ASTN1: variants seen among roughly 807,000 people sequenced by gnomAD.
ASTN1 encodes the protein astrotactin-1.
In ASTN1, 41 loss-of-function variants were observed where a neutral mutation model predicts 140.7. That is an observed-to-expected ratio of 0.29 (90% CI 0.23 to 0.38). The LOEUF is 0.38. Ranked by LOEUF, ASTN1 falls within the 10% of genes least tolerant of loss-of-function variation. The pLI is 1.00. For missense variants in ASTN1, 1,479 were observed against 1,678.8 expected (o/e 0.88, Z 2.08); for synonymous variants, 640 against 652.2 (o/e 0.98, Z 0.29).
In ASTN1 at chr1:176,894,449, C is replaced by T. The variant is rs1571469959; in HGVS notation, c.2940+113G>A. 9 of 1,370,816 alleles carry T rather than the reference C, an allele frequency of 6.6e-6. No homozygotes were observed. The East Asian group carries it at 1.7e-4, about 26-fold the overall frequency. 84.9% of individuals were successfully genotyped at this position (1,370,816 alleles called of 1,614,324 possible). A position where few individuals can be genotyped will look rare whatever the true frequency, so the allele number is the denominator to read the frequency against. Reference sequence around the variant, plus strand: ...CAGATTAGCTAAACAAAAAGCCTCACTATCCATATTCTAGCATGGCCCTCA... The same window carrying T: ...CAGATTAGCTAAACAAAAAGCCTCATTATCCATATTCTAGCATGGCCCTCA... On this transcript the variant is annotated intron_variant, in intron 17 of 22. Coordinates refer to ENST00000361833, the MANE Select transcript of ASTN1 (RefSeq NM_004319.3).
At chr1:177,121,108 T>C (rs979557568) in intron 1 of ASTN1, among the ~76,000 whole-genome samples, 8 of 150,480 alleles carry the variant, frequency 5.3e-5, no homozygotes, top group Non-Finnish European at 1.2e-4. Context: ...ACATGCACTA[T>C]GTAAAGTCCA....
At chr1:177,131,165 T>C (rs934868220) in intron 1 of ASTN1, among the ~76,000 whole-genome samples, 1 of 152,152 alleles carries the variant, frequency 6.6e-6, no homozygotes, top group Non-Finnish European at 1.5e-5. Context: ...CTGGTGGAAA[T>C]ATAAATTAAT....
At chr1:177,086,467 T>C (rs926986158) in intron 1 of ASTN1, among the ~76,000 whole-genome samples, 2 of 152,176 alleles carry the variant, frequency 1.3e-5, no homozygotes, top group Non-Finnish European at 2.9e-5. Flanking sequence ...CCTAAAAATG[T>C]TCCTCTTTGG....
intron 1 of ASTN1, among the ~76,000 whole-genome samples, chr1:177,121,835 G>T (rs1027301685): frequency 6.6e-6 from 1 of 152,104 alleles, no homozygotes; most frequent in Non-Finnish European, 1.5e-5. Context: ...AGGGAGGTGG[G>T]TAACATGTGT....
chr1:176,988,902 C>G (rs1012569690), intron 8 of ASTN1, among the ~76,000 whole-genome samples: 2 of 152,118 alleles, frequency 1.3e-5, no homozygotes, highest in Non-Finnish European at 2.9e-5. Context: ...TCAGATGAGG[C>G]TAAAATGATT....
At position 176,864,301 on chromosome 1, in the gene ASTN1, C is replaced by T. The variant is rs1364792718; in HGVS notation, c.3868G>A (p.Asp1290Asn). 1.2e-6 allele frequency: 2 copies of T among 1,614,028 alleles called. No individual in the cohort carries two copies. Among genetic ancestry groups the T allele is most frequent in the Admixed American group, 3.3e-5 (2 of 60,018 alleles). Residue 1290 changes from aspartate (D) to asparagine (N), a missense_variant, in exon 23 of 23, where the codon GAC (aspartate) becomes AAC (asparagine). Physicochemically the swap from Asp to Asn is conservative, Grantham distance 23. Coordinates refer to ENST00000361833, the MANE Select transcript of ASTN1 (RefSeq NM_004319.3). The stretch of plus-strand genomic sequence containing the variant: ...TTATGGTGCTAGATCTCTTTGCTGT[C>T]CCCATAGTCGTTGTAGGGGATACTC... ...TLSIPYNDYG[D>N]SKEI
chr1:176,917,838 C>G (rs1221603472), intron 16 of ASTN1, among the ~76,000 whole-genome samples: 6 of 152,188 alleles, frequency 3.9e-5, no homozygotes, highest in Admixed American at 3.9e-4. Flanking sequence ...CTGGGCACAA[C>G]TCACCACGTG....
chr1:176,998,906 C>A (rs1273411660), intron 8 of ASTN1, among the ~76,000 whole-genome samples: 1 of 152,176 alleles, frequency 6.6e-6, no homozygotes, highest in Non-Finnish European at 1.5e-5. Context: ...AACCTTTGGG[C>A]AAGGTACCAA....
intron 20 of ASTN1, among the ~76,000 whole-genome samples, chr1:176,881,399 C>T (rs1351837073): frequency 1.3e-5 from 2 of 152,188 alleles, no homozygotes; most frequent in Non-Finnish European, 2.9e-5. Flanking sequence ...AATGGCTGCA[C>T]TCCTAATACC....
intron 1 of ASTN1, among the ~76,000 whole-genome samples, chr1:177,130,384 A>T (rs1452383708): frequency 6.6e-6 from 1 of 152,156 alleles, no homozygotes. Flanking sequence ...GCTTGAAATG[A>T]ACAACAACAA....
At chr1:177,066,540 C>T (rs2102044637) in intron 1 of ASTN1, among the ~76,000 whole-genome samples, 1 of 152,198 alleles carries the variant, frequency 6.6e-6, no homozygotes, top group South Asian at 2.1e-4. Context: ...TTCAAAAATT[C>T]CTCTTCCAGG....
At chr1:177,030,689 G>A in intron 4 of ASTN1, 117 bp downstream of exon 4, 1 of 1,393,036 alleles carries the variant, frequency 7.2e-7, no homozygotes, top group East Asian at 2.3e-5. Context: ...CAGAAAGGCT[G>A]TGCCAGGGCA....
chr1:176,956,110 C>T (rs1010296096), intron 11 of ASTN1, among the ~76,000 whole-genome samples: 1 of 152,114 alleles, frequency 6.6e-6, no homozygotes, highest in Non-Finnish European at 1.5e-5. Context: ...TGTGGGACAT[C>T]AACTTCCCCC....
At chr1:177,079,169 G>C (rs961193108) in intron 1 of ASTN1, among the ~76,000 whole-genome samples, 4 of 152,168 alleles carry the variant, frequency 2.6e-5, no homozygotes, top group Admixed American at 1.3e-4. Context: ...ATGAAACCAG[G>C]ACTAAATCAT....
rs184032425 is a variant in ASTN1, at chr1:177,107,696, T to C, written c.284-46431A>G. ...CCGGGTTCTAGTAACTGCCTCCTTC[T>C]TCACCTCTTAGACCTAAGTCTGGCC... On this transcript the variant is annotated intron_variant, in intron 1 of 22. Coordinates refer to ENST00000361833, the MANE Select transcript of ASTN1 (RefSeq NM_004319.3). Among the ~76,000 whole-genome samples, 126 of 152,314 alleles carry C rather than the reference T, an allele frequency of 8.3e-4. 1 individual carries two copies. The highest frequency in any genetic ancestry group is 3.0e-3 in the African/African-American group (124 of 41,574).
intron 1 of ASTN1, among the ~76,000 whole-genome samples, chr1:177,138,105 A>G (rs1388553186): frequency 2.0e-5 from 3 of 152,012 alleles, no homozygotes; most frequent in South Asian, 2.1e-4. Context: ...GCTCAGATCA[A>G]CTCTCCCTAG....
intron 1 of ASTN1, among the ~76,000 whole-genome samples, chr1:177,119,776 CTT>C (rs1268505894): frequency 6.6e-6 from 1 of 152,262 alleles, no homozygotes; most frequent in East Asian, 1.9e-4. Context: ...CCTTTTGTTG[CTT>C]TTGTTATTAC....
chr1:177,044,196 CACACACAT>C (rs1389269133), intron 2 of ASTN1, among the ~76,000 whole-genome samples: 404 of 151,634 alleles, frequency 2.7e-3, no homozygotes, highest in African/African-American at 9.4e-3. Flanking sequence ...CACACACACA[CACACACAT>C]ACACACACAC....
intron 2 of ASTN1, among the ~76,000 whole-genome samples, chr1:177,036,509 G>C (rs1341518583): frequency 6.6e-6 from 1 of 152,210 alleles, no homozygotes; most frequent in East Asian, 1.9e-4. Context: ...CTTTGCAATG[G>C]CTTACTAATT....
Sources: gnomAD v4.1 joint callset for allele counts (sites outside exome capture counted in the v4.1 genomes callset) on GRCh38, gnomAD v4.1.1 for gene constraint, MANE v1.5 for transcripts, NCBI Gene and HGNC (gene_info 2026-07-23, HGNC 2026-07-21) for gene names.